Variants in FAM120A observed in about 807,000 individuals in gnomAD.
FAM120A encodes the protein family with sequence similarity 120 member A.
Under a neutral mutation model 109.7 loss-of-function variants are expected in FAM120A, and 15 were observed. That is an observed-to-expected ratio of 0.14 (90% CI 0.09 to 0.21). The LOEUF (loss-of-function observed/expected upper bound fraction) is 0.21, where lower values mean the gene tolerates loss of function less well. Ranked by LOEUF, FAM120A falls within the 10% of genes least tolerant of loss-of-function variation. The pLI is 1.00. For synonymous variants in FAM120A, 493 were observed against 572.8 expected (o/e 0.86, Z 1.99); for missense variants, 899 against 1,439.3 (o/e 0.62, Z 6.07).
intron 9 of FAM120A, chr9:93,530,428 A>AC (rs778649982): frequency 2.0e-5 from 3 of 152,252 alleles, no homozygotes; most frequent in Admixed American, 6.5e-5. Context: ...ATTCTCTACA[A>AC]CCCATCTGTG....
At position 93,516,304 on chromosome 9, in the gene FAM120A, C is replaced by T. The variant is rs371590763; in HGVS notation, c.1418+35C>T. On this transcript the variant is annotated intron_variant, in intron 7 of 17. Transcript: ENST00000277165. ...GCGTGGGTCGCTGGGTGCTTCCTGG[C>T]GGGTAGTGACCTGGGGAAGCTGCCT... 2.7e-5 allele frequency: 43 copies of T among 1,595,578 alleles called. No individual in the cohort carries two copies. The East Asian group carries it at 3.4e-4, about 12-fold the overall frequency.
intron 1 of FAM120A, among the ~76,000 whole-genome samples, chr9:93,459,384 G>C (rs971127688): frequency 6.6e-6 from 1 of 152,024 alleles, no homozygotes; most frequent in African/African-American, 2.4e-5. Flanking sequence ...TTCAAAATCT[G>C]GATCAATGGC....
chr9:93,527,492 T>C (rs1392946802), intron 8 of FAM120A, among the ~76,000 whole-genome samples: 1 of 152,064 alleles, frequency 6.6e-6, no homozygotes, highest in African/African-American at 2.4e-5. Flanking sequence ...GCTTAGGACC[T>C]TCCTGAGCCC....
intron 11 of FAM120A, among the ~76,000 whole-genome samples, chr9:93,546,554 A>G (rs1057198862): frequency 6.6e-6 from 1 of 152,210 alleles, no homozygotes; most frequent in Non-Finnish European, 1.5e-5. Context: ...ATGCACGGAC[A>G]GGGAAGAGGC....
chr9:93,537,847 G>A (rs937219172), intron 10 of FAM120A, among the ~76,000 whole-genome samples: 11 of 152,140 alleles, frequency 7.2e-5, no homozygotes, highest in Admixed American at 3.3e-4. Flanking sequence ...TTTTCCCCAT[G>A]ATTTCTGTTA....
At chr9:93,476,419 T>C in intron 3 of FAM120A, 81 bp downstream of exon 3, 1 of 917,860 alleles carries the variant, frequency 1.1e-6, no homozygotes, top group Middle Eastern at 2.1e-4. Context: ...TGTTAGGCCC[T>C]TTATTGGTGA....
chr9:93,453,055 C>G, intron 1 of FAM120A: 1 of 1,109,204 alleles, frequency 9.0e-7, no homozygotes, highest in Middle Eastern at 4.0e-4. Flanking sequence ...TGCACTTTGA[C>G]AGGATGGGAT....
At chr9:93,545,687 T>G (rs547655301) in intron 11 of FAM120A, among the ~76,000 whole-genome samples, 1 of 152,182 alleles carries the variant, frequency 6.6e-6, no homozygotes, top group African/African-American at 2.4e-5. Context: ...CAATAACTTA[T>G]TTAGGAAGAT....
At chr9:93,533,236 C>T (rs576775500) in intron 10 of FAM120A, among the ~76,000 whole-genome samples, 1 of 152,266 alleles carries the variant, frequency 6.6e-6, no homozygotes, top group African/African-American at 2.4e-5. Context: ...GGTGAAGCTC[C>T]TTGTCAGCAC....
chr9:93,548,912 G>A (rs10761236), intron 11 of FAM120A, among the ~76,000 whole-genome samples: 104,376 of 151,940 alleles, frequency 0.69, 37,582 homozygotes, highest in East Asian at 0.85. Flanking sequence ...GTGGGGTGGC[G>A]TGTGCCTGTA....
intron 10 of FAM120A, among the ~76,000 whole-genome samples, chr9:93,536,296 C>T (rs779988698): frequency 2.0e-5 from 3 of 152,216 alleles, no homozygotes; most frequent in Non-Finnish European, 4.4e-5. Flanking sequence ...CGTTCTCCTC[C>T]GACCCTGCTT....
At position 93,500,332 on chromosome 9, in the gene FAM120A, G is replaced by A. The variant is rs1384776413; in HGVS notation, c.1030+1446G>A. Among the ~76,000 whole-genome samples, 1 of 152,180 alleles carries A rather than the reference G, an allele frequency of 6.6e-6. No individual in the cohort carries two copies. The highest frequency in any genetic ancestry group is 1.5e-5 in the Non-Finnish European group (1 of 68,038). On this transcript the variant is annotated intron_variant, in intron 5 of 17. Coordinates refer to ENST00000277165, the MANE Select transcript of FAM120A (RefSeq NM_014612.5). This position sits in a 1 kb window ranked among gnomAD's most constrained non-coding sequence, Gnocchi z 4.6. ...CGCAGCCTCCTTTCTTGCCTTGCAT[G>A]AACCAAGCTAGCTTCTGCCCTGGGC...
At chr9:93,515,133 A>G (rs1165648286) in intron 5 of FAM120A, among the ~76,000 whole-genome samples, 1 of 152,262 alleles carries the variant, frequency 6.6e-6, no homozygotes, top group Non-Finnish European at 1.5e-5. Flanking sequence ...TGAACAATGA[A>G]AAGCAATTCC....
At chr9:93,561,342 TATATCATTAGATACATTCTTCTTTA>T in intron 16 of FAM120A, 92 bp downstream of exon 16, 1 of 1,154,556 alleles carries the variant, frequency 8.7e-7, no homozygotes, top group Non-Finnish European at 1.2e-6. Context: ...GGAACATTTT[TATATCATTAGATACATTCTTCTTTA>T]ATATCATTTG....
intron 16 of FAM120A, 95 bp from the exon 17 acceptor site, chr9:93,562,112 CG>C: frequency 9.4e-7 from 1 of 1,064,856 alleles, no homozygotes; most frequent in Non-Finnish European, 1.4e-6. Context: ...CTTCATAAAA[CG>C]TAAGATTGGA....
chr9:93,487,959 A>G (rs1410127592), intron 3 of FAM120A, among the ~76,000 whole-genome samples: 1 of 152,160 alleles, frequency 6.6e-6, no homozygotes, highest in Non-Finnish European at 1.5e-5. Context: ...GCTCTATTTC[A>G]CACTGCTTTC....
At chr9:93,546,280 T>C (rs1298193385) in intron 11 of FAM120A, among the ~76,000 whole-genome samples, 2 of 152,206 alleles carry the variant, frequency 1.3e-5, no homozygotes, top group African/African-American at 2.4e-5. Context: ...GTGTGACACA[T>C]GGCCTTTAAT....
At chr9:93,517,405 C>G (rs548537616) in intron 7 of FAM120A, among the ~76,000 whole-genome samples, 3 of 152,318 alleles carry the variant, frequency 2.0e-5, no homozygotes, top group Non-Finnish European at 4.4e-5. Flanking sequence ...GAATCAGAAT[C>G]TCTGGTTGGG....
At chr9:93,487,652 G>T (rs1372585946) in intron 3 of FAM120A, among the ~76,000 whole-genome samples, 2 of 152,216 alleles carry the variant, frequency 1.3e-5, no homozygotes, top group African/African-American at 4.8e-5. Flanking sequence ...AATAGTGATA[G>T]AAAGTAGACT....
Sources: allele counts gnomAD v4.1 joint callset (sites outside exome capture counted in the v4.1 genomes callset), GRCh38; gene constraint gnomAD v4.1.1; non-coding constraint Gnocchi (gnomAD v3.1); transcripts MANE v1.5; gene names NCBI Gene and HGNC (gene_info 2026-07-23, HGNC 2026-07-21).